INSYN2B: variants seen among roughly 807,000 people sequenced by gnomAD.
INSYN2B encodes inhibitory synaptic factor family member 2B.
In INSYN2B, 16 loss-of-function variants were observed where a neutral mutation model predicts 41.2. The observed-to-expected ratio is 0.39, with a 90% CI of 0.26 to 0.59. INSYN2B has a LOEUF of 0.59. Ranked by LOEUF, INSYN2B falls within the 20% of genes least tolerant of loss-of-function variation. The pLI is 0.57. For missense variants in INSYN2B, 608 were observed against 646.4 expected, an observed-to-expected ratio of 0.94 and a Z score of 0.64; for synonymous variants, 245 against 244.4, an observed-to-expected ratio of 1.00 and a Z score of -0.02.
intron 1 of INSYN2B, among the ~76,000 whole-genome samples, chr5:169,962,021 C>T (rs1369256011): frequency 3.0e-5 from 4 of 131,776 alleles, no homozygotes; most frequent in African/African-American, 1.2e-4. Flanking sequence ...GAGGCCAGAA[C>T]TTACTAGAAC....
chr5:169,941,290 C>A (rs982685509), intron 1 of INSYN2B, among the ~76,000 whole-genome samples: 1 of 152,196 alleles, frequency 6.6e-6, no homozygotes, highest in African/African-American at 2.4e-5. Flanking sequence ...TCACTACAAC[C>A]TCTGCCTCCT....
chr5:169,930,168 T>A (rs966420511), intron 1 of INSYN2B, among the ~76,000 whole-genome samples: 1 of 152,002 alleles, frequency 6.6e-6, no homozygotes, highest in Non-Finnish European at 1.5e-5. Context: ...TTTTTTGCAT[T>A]TTAGTAGAGA....
intron 1 of INSYN2B, among the ~76,000 whole-genome samples, chr5:169,953,488 G>T (rs1044291610): frequency 2.6e-5 from 4 of 152,160 alleles, no homozygotes; most frequent in Non-Finnish European, 4.4e-5. Flanking sequence ...TGAAATGGAG[G>T]TCTTGGGGAT....
At position 169,884,542 on chromosome 5, in the gene INSYN2B, T is replaced by C. The variant is rs1772859555; in HGVS notation, c.-644A>G. 6.6e-6 allele frequency: 1 copy of C among 152,182 alleles called. No individual in the cohort carries two copies. The highest frequency in any genetic ancestry group is 2.1e-4 in the South Asian group (1 of 4,828). The allele number at this position is 152,182 out of a possible 1,614,324, so 9.4% of individuals were successfully genotyped here. A position where few individuals can be genotyped will look rare whatever the true frequency, so the allele number is the denominator to read the frequency against. Reference sequence around the variant, plus strand: ...ATCACAAATTCCTCCTTTGGGGCCATTGTTTTCTTTCATGCTGTCTCTCTT... The same window carrying C: ...ATCACAAATTCCTCCTTTGGGGCCACTGTTTTCTTTCATGCTGTCTCTCTT... On this transcript the variant is annotated 5_prime_UTR_variant, in exon 2 of 4. An upstream start codon of the reference 5' UTR is lost. Coordinates refer to ENST00000377365, the MANE Select transcript of INSYN2B (RefSeq NM_001129891.3).
chr5:169,909,901 T>A lies in INSYN2B; in HGVS notation c.-918-25085A>T, dbSNP rs529040643. On this transcript the variant is annotated intron_variant, in intron 1 of 3. Transcript: ENST00000377365. ...CACTGAGTTGTTTACTTGGGGCTAA[T>A]CCTCTCTTTTCTTCTCAGTCCCACA... 1.2e-4 allele frequency among the ~76,000 whole-genome samples: 19 copies of A among 152,320 alleles called. No individual in the cohort carries two copies. In the East Asian group the frequency reaches 3.7e-3, roughly 29 times the overall value.
chr5:169,909,711 CA>C (rs1774488725), intron 1 of INSYN2B, among the ~76,000 whole-genome samples: 1 of 152,178 alleles, frequency 6.6e-6, no homozygotes, highest in South Asian at 2.1e-4. Context: ...GAGTCCTCAA[CA>C]AACAGAATTT....
chr5:169,895,575 G>A (rs530486130), intron 1 of INSYN2B, among the ~76,000 whole-genome samples: 2 of 151,750 alleles, frequency 1.3e-5, no homozygotes, highest in Non-Finnish European at 2.9e-5. Context: ...AGCTCCTTCG[G>A]TGCCCCATGC....
At chr5:169,970,154 G>A (rs918286249) in intron 1 of INSYN2B, among the ~76,000 whole-genome samples, 1 of 152,170 alleles carries the variant, frequency 6.6e-6, no homozygotes, top group East Asian at 1.9e-4. Flanking sequence ...GTGATCAATC[G>A]TTTGGTTTTT....
rs574979954 is a variant in INSYN2B at position 169,933,730 on chromosome 5, A to G, written c.-919+46547T>C. Among the ~76,000 whole-genome samples the G allele has an allele frequency of 7.9e-5, 12 of 152,172 alleles. No homozygotes were observed. The Middle Eastern group carries it at 0.01, about 129-fold the overall frequency. On this transcript the variant is annotated intron_variant, in intron 1 of 3. Transcript: ENST00000377365. ...CCTTCAAGCAGTTTTGGGGTCAGAC[A>G]CCCACTTCTCAGACTTCCAGGCAGC...
chr5:169,943,647 A>C (rs1298659708), intron 1 of INSYN2B, among the ~76,000 whole-genome samples: 1 of 152,052 alleles, frequency 6.6e-6, no homozygotes, highest in African/African-American at 2.4e-5. Flanking sequence ...CAGGCATTAG[A>C]GTTTGCAGAT....
chr5:169,956,180 C>G (rs936234859), intron 1 of INSYN2B, among the ~76,000 whole-genome samples: 3 of 152,210 alleles, frequency 2.0e-5, no homozygotes, highest in Non-Finnish European at 2.9e-5. Context: ...AAGGGCAAAA[C>G]TTGATGGTCT....
intron 1 of INSYN2B, among the ~76,000 whole-genome samples, chr5:169,969,309 G>A (rs1348813959): frequency 6.6e-6 from 1 of 152,064 alleles, no homozygotes; most frequent in Non-Finnish European, 1.5e-5. Context: ...GCTGGGTGTG[G>A]TGTGGGGCAC....
chr5:169,894,203 G>A (rs970378416), intron 1 of INSYN2B, among the ~76,000 whole-genome samples: 1 of 152,186 alleles, frequency 6.6e-6, no homozygotes, highest in Admixed American at 6.5e-5. Flanking sequence ...TTTTGCAGAT[G>A]AGGGAACTGG....
intron 1 of INSYN2B, among the ~76,000 whole-genome samples, chr5:169,924,847 T>A (rs763677866): frequency 6.6e-6 from 1 of 152,152 alleles, no homozygotes; most frequent in Non-Finnish European, 1.5e-5. Flanking sequence ...TGTCAAAGAT[T>A]GAGCTGCAGT....
chr5:169,922,223 C>G (rs1020893471), intron 1 of INSYN2B, among the ~76,000 whole-genome samples: 1 of 152,128 alleles, frequency 6.6e-6, no homozygotes, highest in African/African-American at 2.4e-5. Context: ...TGCACATTGC[C>G]TAAAGGTATT....
intron 1 of INSYN2B, among the ~76,000 whole-genome samples, chr5:169,954,828 C>T (rs1776797644): frequency 6.6e-6 from 1 of 152,204 alleles, no homozygotes; most frequent in Admixed American, 6.5e-5. Flanking sequence ...CATACAGGTC[C>T]ACCCAGGCTG....
rs1581354972 is a variant in INSYN2B, at chr5:169,884,006, G to A, written c.-108C>T. On this transcript the variant is annotated 5_prime_UTR_variant, in exon 2 of 4. It introduces an in-frame stop codon into an upstream open reading frame of the 5' UTR. Coordinates refer to ENST00000377365, the MANE Select transcript of INSYN2B (RefSeq NM_001129891.3). ...AGTATTTCAATCATAGAGAACTGCT[G>A]GCCAGGATGGAGTGGTCCTCTCCTC... The A allele has an allele frequency of 1.8e-6, 2 of 1,112,416 alleles. No individual in the cohort carries two copies. The highest frequency in any genetic ancestry group is 5.3e-5 in the East Asian group (2 of 37,894). The allele number at this position is 1,112,416 out of a possible 1,614,324, so 68.9% of individuals were successfully genotyped here.
chr5:169,974,553 C>T (rs13184164), intron 1 of INSYN2B, among the ~76,000 whole-genome samples: 36,537 of 152,090 alleles, frequency 0.24, 4,872 homozygotes, highest in Non-Finnish European at 0.31. Flanking sequence ...CCTTTACCCA[C>T]AGAAGGTTGA....
chr5:169,883,715 G>T lies in INSYN2B; in HGVS notation c.184C>A (p.Pro62Thr), dbSNP rs1772804760. 2 of 1,551,412 alleles carry T rather than the reference G, an allele frequency of 1.3e-6. No homozygotes were observed. The highest frequency in any genetic ancestry group is 1.7e-6 in the Non-Finnish European group (2 of 1,146,916). The part of the protein sequence containing the change: ...AEVDVQTPED[P>T]AVMGKTQATR... ...GCTTGAGTCTTCCCCATCACAGCCG[G>T]GTCTTCTGGAGTTTGGACGTCAACC... is the stretch of plus-strand genomic sequence containing the variant. Residue 62 changes from proline (P) to threonine (T), a missense_variant, in exon 2 of 4, where the codon CCG (proline) becomes ACG (threonine). Physicochemically the swap from Pro to Thr is conservative, Grantham distance 38 (BLOSUM62 -1). Transcript: ENST00000377365.
Sources: allele counts gnomAD v4.1 joint callset (sites outside exome capture counted in the v4.1 genomes callset), GRCh38; gene constraint gnomAD v4.1.1; transcripts MANE v1.5; gene names NCBI Gene and HGNC (gene_info 2026-07-23, HGNC 2026-07-21).